The following VPS41 variants were observed in gnomAD, a reference collection of about 807,000 sequenced individuals.
VPS41 encodes the protein VPS41 subunit of HOPS complex, also known as vacuolar protein sorting-associated protein 41 homolog.
A neutral mutation model predicts 130.9 loss-of-function variants in VPS41; 85 were observed. That is an observed-to-expected ratio of 0.65 (90% CI 0.55 to 0.78). The LOEUF (loss-of-function observed/expected upper bound fraction) is 0.78, where lower values mean the gene tolerates loss of function less well. Among genes scored for constraint, VPS41 ranks in the 30% least tolerant of loss-of-function variants. VPS41 has a pLI of 0.00. For missense variants in VPS41, 874 were observed against 1,018.7 expected (o/e 0.86, Z 1.93); for synonymous variants, 335 against 332.9 (o/e 1.01, Z -0.07).
intron 10 of VPS41, among the ~76,000 whole-genome samples, chr7:38,786,291 AGCC>A (rs1218743735): frequency 6.6e-6 from 1 of 152,234 alleles, no homozygotes; most frequent in East Asian, 1.9e-4. Flanking sequence ...TGGGGATAGT[AGCC>A]GCTACCCACT....
intron 4 of VPS41, among the ~76,000 whole-genome samples, chr7:38,840,562 A>G (rs1193742145): frequency 6.6e-6 from 1 of 152,250 alleles, no homozygotes; most frequent in Non-Finnish European, 1.5e-5. Flanking sequence ...CTTCACAGCA[A>G]TATTAAATTC....
chr7:38,865,455 T>C (rs3801124), intron 3 of VPS41, among the ~76,000 whole-genome samples: 39,106 of 151,844 alleles, frequency 0.26, 6,448 homozygotes, highest in Non-Finnish European at 0.38. Flanking sequence ...CACTCTATAA[T>C]ACGCTTAGAC....
intron 2 of VPS41, among the ~76,000 whole-genome samples, chr7:38,880,853 A>T (rs1562621618): frequency 6.6e-6 from 1 of 152,184 alleles, no homozygotes; most frequent in Non-Finnish European, 1.5e-5. Context: ...AAGTGAAATG[A>T]TCATTTAAAC....
intron 4 of VPS41, among the ~76,000 whole-genome samples, chr7:38,830,844 C>T (rs10085898): frequency 0.64 from 96,584 of 152,018 alleles, 31,980 homozygotes; most frequent in East Asian, 0.89. Context: ...CCTAGAATGT[C>T]AGAAGAGTAA....
chr7:38,869,277 G>A (rs1303765370), intron 2 of VPS41, 24 bp from the exon 3 acceptor site: 12 of 1,515,468 alleles, frequency 7.9e-6, no homozygotes, highest in Admixed American at 1.8e-5. Flanking sequence ...AAAGAAAAAT[G>A]ACACCCGTCA....
chr7:38,828,535 T>C, intron 5 of VPS41, among the ~76,000 whole-genome samples: 1 of 152,180 alleles, frequency 6.6e-6, no homozygotes, highest in East Asian at 1.9e-4. Flanking sequence ...AATGTGTTTG[T>C]GTAATGTCTT....
intron 24 of VPS41, among the ~76,000 whole-genome samples, chr7:38,742,734 C>A (rs1795905919): frequency 6.9e-6 from 1 of 144,324 alleles, no homozygotes; most frequent in African/African-American, 2.6e-5. Flanking sequence ...AAGGTAGTTA[C>A]ATGAACACAA....
At chr7:38,786,168 ACAAGCAACAACT>A (rs1784433153) in intron 10 of VPS41, among the ~76,000 whole-genome samples, 1 of 152,078 alleles carries the variant, frequency 6.6e-6, no homozygotes, top group South Asian at 2.1e-4. Flanking sequence ...CACCATGATT[ACAAGCAACAACT>A]TTACGGCTAG....
chr7:38,773,010 T>C (rs752911002), intron 12 of VPS41, among the ~76,000 whole-genome samples: 3 of 152,012 alleles, frequency 2.0e-5, no homozygotes, highest in Non-Finnish European at 4.4e-5. Context: ...AAATTCTCTA[T>C]GTCTACTGCA....
At chr7:38,734,969 A>T (rs1795735560) in intron 25 of VPS41, among the ~76,000 whole-genome samples, 1 of 152,212 alleles carries the variant, frequency 6.6e-6, no homozygotes, top group Non-Finnish European at 1.5e-5. Context: ...TTCTTATAAA[A>T]ATGATGAACT....
rs201219365 is a variant in VPS41 at position 38,761,369 on chromosome 7, AG to A, written c.1422+2085del. 7.1e-3 allele frequency among the ~76,000 whole-genome samples: 1,000 copies of A among 140,428 alleles called. 13 individuals are homozygous for A. The highest frequency in any genetic ancestry group is 0.025 in the African/African-American group (949 of 37,884). 92.1% of individuals were successfully genotyped at this position (140,428 alleles called of 152,430 possible). A position where few individuals can be genotyped will look rare whatever the true frequency, so the allele number is the denominator to read the frequency against. On this transcript the variant is annotated intron_variant, in intron 17 of 28. Transcript: ENST00000310301. ...TGGCTCACTGCAACCTCCGCCTCCT[AG>A]GCTCAAGCAAGTCTCTCGCTTCAGC... is the stretch of plus-strand genomic sequence containing the variant.
intron 4 of VPS41, among the ~76,000 whole-genome samples, chr7:38,836,151 T>C (rs1161479022): frequency 1.3e-5 from 2 of 152,054 alleles, no homozygotes; most frequent in African/African-American, 4.8e-5. Flanking sequence ...ATAGTTTTTA[T>C]GTTTCCCCAT....
At chr7:38,906,389 G>C (rs1430643357) in intron 1 of VPS41, among the ~76,000 whole-genome samples, 1 of 151,346 alleles carries the variant, frequency 6.6e-6, no homozygotes, top group Non-Finnish European at 1.5e-5. Flanking sequence ...CTGTTGCCCA[G>C]ACTGAAGTGC....
At chr7:38,876,886 T>C (rs1786503465) in intron 2 of VPS41, among the ~76,000 whole-genome samples, 1 of 152,140 alleles carries the variant, frequency 6.6e-6, no homozygotes, top group Non-Finnish European at 1.5e-5. Flanking sequence ...TCAACTCCCA[T>C]CATTTAGTTT....
chr7:38,771,941 C>T (rs1303725546), intron 13 of VPS41, among the ~76,000 whole-genome samples: 1 of 151,868 alleles, frequency 6.6e-6, no homozygotes, highest in Non-Finnish European at 1.5e-5. Context: ...AAACTTAGTA[C>T]AACAAATACG....
At chr7:38,782,780 C>T (rs1380835427) in intron 10 of VPS41, among the ~76,000 whole-genome samples, 1 of 152,140 alleles carries the variant, frequency 6.6e-6, no homozygotes, top group Non-Finnish European at 1.5e-5. Flanking sequence ...CTTTCTCATT[C>T]CTTGGGTCTC....
At chr7:38,863,061 T>G (rs936696258) in intron 3 of VPS41, among the ~76,000 whole-genome samples, 1 of 152,196 alleles carries the variant, frequency 6.6e-6, no homozygotes, top group African/African-American at 2.4e-5. Flanking sequence ...AACAACAAAT[T>G]ATTTTTTCGA....
intron 23 of VPS41, 53 bp from the exon 24 acceptor site, chr7:38,743,595 T>G: frequency 6.3e-7 from 1 of 1,584,518 alleles, no homozygotes; most frequent in Non-Finnish European, 8.6e-7. Context: ...TTTAATAATT[T>G]TTTTAAAGAA....
intron 2 of VPS41, among the ~76,000 whole-genome samples, chr7:38,896,927 C>T (rs1253752651): frequency 6.6e-6 from 1 of 152,194 alleles, no homozygotes; most frequent in African/African-American, 2.4e-5. Context: ...GGTGCAGTGA[C>T]TCATGCCTAT....
Sources: allele counts gnomAD v4.1 joint callset (sites outside exome capture counted in the v4.1 genomes callset), GRCh38; gene constraint gnomAD v4.1.1; transcripts MANE v1.5; gene names NCBI Gene and HGNC (gene_info 2026-07-23, HGNC 2026-07-21).